ATP2C1: variants seen among roughly 807,000 people sequenced by gnomAD.
The protein encoded by ATP2C1 is calcium-transporting ATPase type 2C member 1.
Under a neutral mutation model 120.5 loss-of-function variants are expected in ATP2C1, and 31 were observed. The observed-to-expected ratio is 0.26, with a 90% confidence interval of 0.19 to 0.35. ATP2C1 has a LOEUF of 0.35. ATP2C1 is among the 10% of genes least tolerant of loss of function. ATP2C1 has a pLI of 1.00. For synonymous variants in ATP2C1, 351 were observed against 358.7 expected, an observed-to-expected ratio of 0.98 and a Z score of 0.24; for missense variants, 731 against 1,107.5, an observed-to-expected ratio of 0.66 and a Z score of 4.83.
chr3:130,987,127 GAAAA>G (rs1192089401), intron 20 of ATP2C1, among the ~76,000 whole-genome samples: 2 of 150,590 alleles, frequency 1.3e-5, no homozygotes, highest in Non-Finnish European at 3.0e-5. Context: ...AAAAAAGAAA[GAAAA>G]TCCATTTCTG....
chr3:130,952,974 A>C (rs2060429255), intron 8 of ATP2C1, among the ~76,000 whole-genome samples: 1 of 152,108 alleles, frequency 6.6e-6, no homozygotes, highest in Non-Finnish European at 1.5e-5. Context: ...GAGGTGATTC[A>C]TGTTAATGTA....
rs72985724 is a variant in ATP2C1, at chr3:130,958,280, G to C, written c.833-995G>C. Reference sequence around the variant, plus strand: ...AGATAGTAAATATTTTAGTCCATATGGTCTCTGTTGGAAATACTTTACTTT... The same window carrying C: ...AGATAGTAAATATTTTAGTCCATATCGTCTCTGTTGGAAATACTTTACTTT... On this transcript the variant is annotated intron_variant, in intron 11 of 27. Coordinates refer to ENST00000510168, the MANE Select transcript of ATP2C1 (RefSeq NM_001378687.1). 3.2e-3 allele frequency among the ~76,000 whole-genome samples: 482 copies of C among 151,720 alleles called. 3 individuals are homozygous for C. The highest frequency in any genetic ancestry group is 0.011 in the African/African-American group (469 of 41,366).
At chr3:130,994,590 C>T (rs1326632038) in intron 22 of ATP2C1, among the ~76,000 whole-genome samples, 1 of 152,086 alleles carries the variant, frequency 6.6e-6, no homozygotes, top group Admixed American at 6.5e-5. Flanking sequence ...TTTAAGACTC[C>T]AGTGTAATAC....
intron 2 of ATP2C1, among the ~76,000 whole-genome samples, chr3:130,915,549 G>C (rs1486400485): frequency 6.6e-6 from 1 of 152,184 alleles, no homozygotes; most frequent in Non-Finnish European, 1.5e-5. Flanking sequence ...CATAGTGAGT[G>C]TTGGTTTGTG....
exon 27 of ATP2C1, chr3:131,016,423 A>C: frequency 7.0e-7 from 1 of 1,423,658 alleles, no homozygotes; most frequent in South Asian, 1.2e-5. Context: ...TACAAATTCT[A>C]TAAAGAAAGA....
Position 130,961,075 on chromosome 3 carries a change from G to T in ATP2C1, c.899+1734G>T, listed in dbSNP as rs570466351. ...TATTTGTGATATAGTGAAAGAATGT[G>T]TTTTTTTTTTTCTCAAGGGAGGGGG... On this transcript the variant is annotated intron_variant, in intron 12 of 27. Coordinates refer to ENST00000510168, the MANE Select transcript of ATP2C1 (RefSeq NM_001378687.1). 1.2e-3 allele frequency among the ~76,000 whole-genome samples: 173 copies of T among 146,810 alleles called. No homozygotes were observed. The South Asian group carries it at 0.018, about 15-fold the overall frequency.
At chr3:130,916,458 A>G (rs943800256) in intron 2 of ATP2C1, among the ~76,000 whole-genome samples, 36 of 152,086 alleles carry the variant, frequency 2.4e-4, no homozygotes, top group African/African-American at 8.7e-4. Context: ...GGTCGAAACT[A>G]TGATTTTCTT....
intron 3 of ATP2C1, among the ~76,000 whole-genome samples, chr3:130,930,727 A>G (rs1035052254): frequency 6.6e-6 from 1 of 152,154 alleles, no homozygotes; most frequent in Admixed American, 6.5e-5. Context: ...TGACTATATG[A>G]CTTGAAATGT....
intron 17 of ATP2C1, 130 bp downstream of exon 17, chr3:130,969,526 T>C (rs1056949177): frequency 1.4e-5 from 10 of 713,134 alleles, no homozygotes; most frequent in Non-Finnish European, 2.3e-5. Flanking sequence ...ATGTAATTAA[T>C]AGTACACTCA....
intron 20 of ATP2C1, among the ~76,000 whole-genome samples, chr3:130,985,492 G>A (rs1168974554): frequency 1.3e-5 from 2 of 151,944 alleles, no homozygotes; most frequent in African/African-American, 4.8e-5. Context: ...AATTAGCTGG[G>A]TGTGGTGGTG....
At position 130,941,223 on chromosome 3, in the gene ATP2C1, AGTGTGTGTGTGTGTGTGT is replaced by A. The variant is rs71774561; in HGVS notation, c.423-343_423-326del. On this transcript the variant is annotated intron_variant, in intron 7 of 27. Transcript: ENST00000510168. ...GCCACCGCGCCCGGCTGTATTTAACAGTGTGTGTGTGTGTGTGTGTGTGTGTGTGTGTGTGTGTGTGTC... is the reference window on the plus strand; with the variant it reads ...GCCACCGCGCCCGGCTGTATTTAACAGTGTGTGTGTGTGTGTGTGTGTGTC... Among the ~76,000 whole-genome samples, 154 of 144,428 alleles carry A rather than the reference AGTGTGTGTGTGTGTGTGT, an allele frequency of 1.1e-3. 1 individual carries two copies. Among genetic ancestry groups the A allele is most frequent in the African/African-American group, 2.5e-3 (98 of 38,524 alleles). The allele number at this position is 144,428 out of a possible 152,430, so 94.8% of individuals were successfully genotyped here.
In ATP2C1 at chr3:130,941,653, G is replaced by T. The variant is rs1388711552; in HGVS notation, c.485G>T (p.Cys162Phe). ...GACTTGGTTCCAGGTGATACAGTTT[G>T]CCTTTCTGTTGGGGATAGAGTTCCT... ...ARDLVPGDTVCLSVGDRVPAD... is the reference protein window; with the variant it reads ...ARDLVPGDTVFLSVGDRVPAD... The change falls in exon 8 of 28, where the codon TGC becomes TTC. Residue 162 changes from cysteine (C) to phenylalanine (F), a missense_variant. By Grantham distance (205) the Cys-to-Phe change is radical. Around this residue, in one of 3 missense-constraint regions of ATP2C1, gnomAD observed 571 missense variants for 845.9 expected, o/e 0.67. Coordinates refer to ENST00000510168, the MANE Select transcript of ATP2C1 (RefSeq NM_001378687.1). 3.1e-6 allele frequency: 5 copies of T among 1,613,982 alleles called. No homozygotes were observed. Among genetic ancestry groups the T allele is most frequent in the Non-Finnish European group, 4.2e-6 (5 of 1,180,002 alleles).
intron 26 of ATP2C1, chr3:131,016,018 T>G: frequency 8.3e-7 from 1 of 1,211,274 alleles, no homozygotes; most frequent in Non-Finnish European, 1.2e-6. Context: ...ATCAATTACA[T>G]TAAGATTAGT....
At chr3:131,007,273 A>G (rs148331564), downstream of ATP2C1, among the ~76,000 whole-genome samples, 242 of 152,340 alleles carry the variant, frequency 1.6e-3, no homozygotes, top group African/African-American at 5.4e-3. Context: ...CTCCAGGTAG[A>G]TGGTGTTTCA....
At chr3:130,900,675 A>T (rs753323633) in intron 2 of ATP2C1, among the ~76,000 whole-genome samples, 17 of 152,184 alleles carry the variant, frequency 1.1e-4, no homozygotes, top group Non-Finnish European at 1.5e-4. Flanking sequence ...TATCTTGGTT[A>T]TGGTGTCCTG....
intron 1 of ATP2C1, among the ~76,000 whole-genome samples, chr3:130,874,996 T>A (rs2068554892): frequency 6.6e-6 from 1 of 152,240 alleles, no homozygotes; most frequent in African/African-American, 2.4e-5. Flanking sequence ...TTCTTTTTAG[T>A]TCACATGTAA....
At chr3:130,908,612 T>G (rs370867545) in intron 2 of ATP2C1, among the ~76,000 whole-genome samples, 1 of 152,220 alleles carries the variant, frequency 6.6e-6, no homozygotes, top group African/African-American at 2.4e-5. Flanking sequence ...CTTGACTTTT[T>G]TTAAAACAAT....
In ATP2C1 at chr3:130,932,755, G is replaced by A. The variant is rs143463088; in HGVS notation, c.234+617G>A. On this transcript the variant is annotated intron_variant, in intron 4 of 27. Coordinates refer to ENST00000510168, the MANE Select transcript of ATP2C1 (RefSeq NM_001378687.1). Reference sequence around the variant, plus strand: ...GATTAGTTTTGAAGTAATTAGGTTGGTTTGCTAAACAAATATTTTTTGCTA... The same window carrying A: ...GATTAGTTTTGAAGTAATTAGGTTGATTTGCTAAACAAATATTTTTTGCTA... Among the ~76,000 whole-genome samples the A allele has an allele frequency of 2.9e-3, 448 of 152,164 alleles. 3 individuals carry two copies. The highest frequency in any genetic ancestry group is 0.01 in the African/African-American group (426 of 41,530).
Position 130,967,847 on chromosome 3 carries a change from C to G in ATP2C1, c.1308+428C>G, listed in dbSNP as rs76017474. 9.7e-3 allele frequency among the ~76,000 whole-genome samples: 1,478 copies of G among 152,262 alleles called. 14 individuals are homozygous for G. Among genetic ancestry groups the G allele is most frequent in the Non-Finnish European group, 0.011 (760 of 67,998 alleles). On this transcript the variant is annotated intron_variant, in intron 16 of 27. Transcript: ENST00000510168. ...TTTGTTTTCCCAGTCTTTCCTTTCT[C>G]TCCTTTGTTAATTTCTCAAAATGAT...
Sources: allele counts gnomAD v4.1 joint callset (sites outside exome capture counted in the v4.1 genomes callset), GRCh38; gene constraint gnomAD v4.1.1; regional missense constraint gnomAD v4.1.1; transcripts MANE v1.5; gene names NCBI Gene and HGNC (gene_info 2026-07-23, HGNC 2026-07-21).